The following GPM6A variants were observed in gnomAD, a reference collection of about 807,000 sequenced individuals.
GPM6A encodes the protein glycoprotein M6A, also known as neuronal membrane glycoprotein M6-a.
Under a neutral mutation model 32.1 loss-of-function variants are expected in GPM6A, and 7 were observed. That is an observed-to-expected ratio of 0.22 (90% CI 0.12 to 0.41). The LOEUF (loss-of-function observed/expected upper bound fraction) is 0.41. Ranked by LOEUF, GPM6A falls within the 10% of genes least tolerant of loss-of-function variation. The pLI is 1.00. For missense variants in GPM6A, 235 were observed against 347.2 expected (o/e 0.68, Z 2.57); for synonymous variants, 130 against 123.4 (o/e 1.05, Z -0.35).
chr4:175,646,445 A>G (rs1343164446), intron 4 of GPM6A, among the ~76,000 whole-genome samples: 2 of 152,304 alleles, frequency 1.3e-5, no homozygotes, highest in African/African-American at 4.8e-5. Context: ...CTTCTGTTAC[A>G]TCTTGGACAA....
chr4:175,659,224 A>G (rs1461748658), intron 3 of GPM6A, among the ~76,000 whole-genome samples: 2 of 151,906 alleles, frequency 1.3e-5, no homozygotes, highest in African/African-American at 2.4e-5. Context: ...CTGGGACTAC[A>G]GGTGCACGCC....
At chr4:175,863,911 G>T (rs1002055125) in intron 1 of GPM6A, among the ~76,000 whole-genome samples, 2 of 152,222 alleles carry the variant, frequency 1.3e-5, no homozygotes, top group African/African-American at 4.8e-5. Flanking sequence ...TGAGGCGGGA[G>T]GATCCCTTGA....
At chr4:175,670,387 G>A (rs1449749764) in intron 3 of GPM6A, among the ~76,000 whole-genome samples, 1 of 152,150 alleles carries the variant, frequency 6.6e-6, no homozygotes, top group African/African-American at 2.4e-5. Flanking sequence ...AATATCTCAA[G>A]ATTTGAAAAT....
At chr4:175,952,439 T>G (rs1021345281) in intron 1 of GPM6A, among the ~76,000 whole-genome samples, 2 of 152,192 alleles carry the variant, frequency 1.3e-5, no homozygotes, top group African/African-American at 4.8e-5. Flanking sequence ...GCAATGGAAT[T>G]AACATATTAT....
At chr4:175,910,622 T>A (rs932151175) in intron 1 of GPM6A, among the ~76,000 whole-genome samples, 2 of 152,174 alleles carry the variant, frequency 1.3e-5, no homozygotes, top group Non-Finnish European at 2.9e-5. Context: ...AATTTCTGTC[T>A]TTAGCACCCT....
At chr4:175,936,284 C>A (rs919422211) in intron 1 of GPM6A, among the ~76,000 whole-genome samples, 6 of 95,992 alleles carry the variant, frequency 6.3e-5, no homozygotes, top group African/African-American at 2.3e-4. Flanking sequence ...CCAGCCTGGG[C>A]GACACAGCGA....
intron 1 of GPM6A, among the ~76,000 whole-genome samples, chr4:175,990,590 C>A (rs1741108147): frequency 6.6e-6 from 1 of 151,540 alleles, no homozygotes; most frequent in South Asian, 2.1e-4. Flanking sequence ...AATACTTGTT[C>A]AATCGAGTCA....
intron 1 of GPM6A, among the ~76,000 whole-genome samples, chr4:175,820,060 C>T (rs1376687116): frequency 6.6e-6 from 1 of 152,104 alleles, no homozygotes; most frequent in Admixed American, 6.6e-5. Context: ...TGATAGCTTT[C>T]GTCAACAAAT....
Position 175,757,116 on chromosome 4 carries a change from T to C in GPM6A, c.37+55075A>G, listed in dbSNP as rs541768880. Among the ~76,000 whole-genome samples, 12 of 152,172 alleles carry C rather than the reference T, an allele frequency of 7.9e-5. No individual in the cohort carries two copies. In the East Asian group the frequency reaches 2.3e-3, roughly 29 times the overall value. ...TGTTATCTGTGTGACCAATTGGATG[T>C]GACAGAGGTGACAGTGTGCCCCTCC... On this transcript the variant is annotated intron_variant, in intron 1 of 6. Coordinates refer to ENST00000393658, the MANE Select transcript of GPM6A (RefSeq NM_201591.3).
chr4:175,652,022 A>C, intron 3 of GPM6A, 35 bp from the exon 4 acceptor site: 1 of 1,550,180 alleles, frequency 6.5e-7, no homozygotes. Flanking sequence ...GAGAAAATGT[A>C]ATCTACCAAA....
At position 175,669,074 on chromosome 4, in the gene GPM6A, A is replaced by T. The variant is rs191601933; in HGVS notation, c.387+4606T>A. On this transcript the variant is annotated intron_variant, in intron 3 of 6. Coordinates refer to ENST00000393658, the MANE Select transcript of GPM6A (RefSeq NM_201591.3). ...AGGATAATTCTAGTATCTACATGAC[A>T]TAGTTTATCAGAGGATTCAGTGTCC... 1.5e-3 allele frequency among the ~76,000 whole-genome samples: 236 copies of T among 152,320 alleles called. 6 individuals carry two copies. Among genetic ancestry groups the T allele is most frequent in the Admixed American group, 1.1e-3 (17 of 15,310 alleles).
upstream of GPM6A, among the ~76,000 whole-genome samples, chr4:175,814,622 G>C (rs1156449304): frequency 7.9e-5 from 12 of 152,062 alleles, no homozygotes; most frequent in Non-Finnish European, 1.5e-4. Flanking sequence ...TCTAAAACAG[G>C]CTTTTTCATG....
chr4:175,856,949 A>G (rs1369742325), intron 1 of GPM6A, among the ~76,000 whole-genome samples: 1 of 152,064 alleles, frequency 6.6e-6, no homozygotes, highest in Non-Finnish European at 1.5e-5. Flanking sequence ...GAAAACAGGA[A>G]TGCATATTCT....
At chr4:175,954,078 G>A (rs1056782259) in intron 1 of GPM6A, among the ~76,000 whole-genome samples, 5 of 152,090 alleles carry the variant, frequency 3.3e-5, no homozygotes, top group Admixed American at 1.3e-4. Flanking sequence ...TTCCTGGCCC[G>A]CTCTATACCT....
intron 1 of GPM6A, among the ~76,000 whole-genome samples, chr4:175,867,654 T>C (rs1736782166): frequency 6.6e-6 from 1 of 152,228 alleles, no homozygotes; most frequent in Non-Finnish European, 1.5e-5. Context: ...TACTGATCTA[T>C]TCTTTAGCCA....
chr4:175,841,921 T>G (rs992399781), intron 1 of GPM6A, among the ~76,000 whole-genome samples: 2 of 152,144 alleles, frequency 1.3e-5, no homozygotes, highest in Non-Finnish European at 2.9e-5. Flanking sequence ...ATTTATTGTT[T>G]TAGAAACATC....
intron 1 of GPM6A, among the ~76,000 whole-genome samples, chr4:175,733,974 A>G (rs1296618070): frequency 2.6e-5 from 4 of 152,094 alleles, no homozygotes; most frequent in Admixed American, 2.6e-4. Flanking sequence ...ACTCCTACAG[A>G]GCATGCCCAA....
chr4:175,755,051 ATTTT>A (rs958791014), intron 1 of GPM6A, among the ~76,000 whole-genome samples: 2 of 149,596 alleles, frequency 1.3e-5, no homozygotes, highest in African/African-American at 4.9e-5. Context: ...CTTCAAAAAA[ATTTT>A]TTTGTGTAAT....
intron 1 of GPM6A, among the ~76,000 whole-genome samples, chr4:175,974,443 C>G (rs1309497906): frequency 6.6e-6 from 1 of 152,080 alleles, no homozygotes; most frequent in East Asian, 1.9e-4. Context: ...GCAGCCTCCA[C>G]CTCCCGGGTT....
Sources: gnomAD v4.1 joint callset for allele counts (sites outside exome capture counted in the v4.1 genomes callset) on GRCh38, gnomAD v4.1.1 for gene constraint, MANE v1.5 for transcripts, NCBI Gene and HGNC (gene_info 2026-07-23, HGNC 2026-07-21) for gene names.